Variants in STIM2 observed in about 807,000 individuals in gnomAD.
STIM2 encodes the protein stromal interaction molecule 2.
STIM2 carries 31 observed loss-of-function variants against 85.8 expected under a neutral mutation model. The ratio of observed to expected loss-of-function variants is 0.36; its 90% CI spans 0.27 to 0.49. STIM2 has a LOEUF of 0.49. STIM2 is among the 20% of genes least tolerant of loss of function. The pLI is 0.98. For missense variants in STIM2, 841 were observed against 927.6 expected (o/e 0.91, Z 1.21); for synonymous variants, 356 against 331.1 (o/e 1.08, Z -0.82).
In STIM2 at chr4:27,022,004, C is replaced by T. The variant is rs74324163; in HGVS notation, c.1764-515C>T. ...TCCACTGCCATACTCTGATGTGCCT[C>T]GATTCCCTGCCCCCCTTTTAAATTT... is the stretch of plus-strand genomic sequence containing the variant. On this transcript the variant is annotated intron_variant, in intron 11 of 11. Coordinates refer to ENST00000467087, the MANE Select transcript of STIM2 (RefSeq NM_020860.4). Among the ~76,000 whole-genome samples the T allele has an allele frequency of 4.4e-3, 664 of 152,146 alleles. 7 individuals are homozygous for T. Among genetic ancestry groups the T allele is most frequent in the African/African-American group, 0.015 (626 of 41,500 alleles).
intron 1 of STIM2, among the ~76,000 whole-genome samples, chr4:26,880,764 T>A (rs902830253): frequency 6.7e-6 from 1 of 150,218 alleles, no homozygotes; most frequent in South Asian, 2.1e-4. Flanking sequence ...AGAGGAAATA[T>A]TTAATGCATT....
chr4:26,971,301 G>T (rs28819422), intron 3 of STIM2, among the ~76,000 whole-genome samples: 2,741 of 152,174 alleles, frequency 0.018, 94 homozygotes, highest in African/African-American at 0.062. Flanking sequence ...TGGTGTTTTG[G>T]TCATGAAGTC....
At chr4:26,927,536 C>T (rs1204498375) in intron 2 of STIM2, among the ~76,000 whole-genome samples, 128 of 56,664 alleles carry the variant, frequency 2.3e-3, no homozygotes, top group African/African-American at 8.0e-3. Flanking sequence ...GTGGTGGGGT[C>T]GGGGGAGGGG....
intron 1 of STIM2, among the ~76,000 whole-genome samples, chr4:26,908,706 A>G (rs1724221654): frequency 6.6e-6 from 1 of 152,164 alleles, no homozygotes; most frequent in African/African-American, 2.4e-5. Flanking sequence ...CTGGTGTCGA[A>G]CTTCTGACCT....
At chr4:26,906,209 A>G (rs1274216479) in intron 1 of STIM2, among the ~76,000 whole-genome samples, 1 of 152,128 alleles carries the variant, frequency 6.6e-6, no homozygotes, top group East Asian at 1.9e-4. Flanking sequence ...CTCACTTATA[A>G]GCGGGAGCTA....
At chr4:26,952,376 C>T (rs1006163489) in intron 2 of STIM2, among the ~76,000 whole-genome samples, 15 of 151,998 alleles carry the variant, frequency 9.9e-5, no homozygotes, top group African/African-American at 1.7e-4. Flanking sequence ...TGTCTTCATT[C>T]GTGTCCAAGA....
At chr4:26,942,217 C>T (rs944901075) in intron 2 of STIM2, among the ~76,000 whole-genome samples, 10 of 152,098 alleles carry the variant, frequency 6.6e-5, no homozygotes, top group African/African-American at 2.4e-4. Context: ...ACTGTGGATT[C>T]ACTGTCTGTG....
chr4:26,945,601 C>T (rs1725802092), intron 2 of STIM2, among the ~76,000 whole-genome samples: 1 of 152,172 alleles, frequency 6.6e-6, no homozygotes, highest in African/African-American at 2.4e-5. Flanking sequence ...TCTACAACCT[C>T]TCCAGCATCT....
At chr4:26,932,951 GAATC>G (rs1378715753) in intron 2 of STIM2, among the ~76,000 whole-genome samples, 5 of 152,138 alleles carry the variant, frequency 3.3e-5, no homozygotes, top group African/African-American at 9.7e-5. Context: ...AAGTAATAAA[GAATC>G]AATGTGTACA....
Position 26,893,730 on chromosome 4 carries a change from G to A in STIM2, c.152-25774G>A, listed in dbSNP as rs142182661. ...ATTATTTGCCAAAGCGGATGTATCA[G>A]TTTACTTTCCCAGTGTCACGAACAT... On this transcript the variant is annotated intron_variant, in intron 1 of 11. Coordinates refer to ENST00000467087, the MANE Select transcript of STIM2 (RefSeq NM_020860.4). Among the ~76,000 whole-genome samples, 447 of 151,736 alleles carry A rather than the reference G, an allele frequency of 2.9e-3. 2 individuals carry two copies. Among genetic ancestry groups the A allele is most frequent in the African/African-American group, 0.01 (420 of 41,234 alleles).
intron 1 of STIM2, among the ~76,000 whole-genome samples, chr4:26,918,532 T>C (rs1724676827): frequency 6.6e-6 from 1 of 152,166 alleles, no homozygotes; most frequent in African/African-American, 2.4e-5. Context: ...CTTTCAACTT[T>C]AAGGCCATAC....
chr4:26,945,560 CCCA>C (rs1344342304), intron 2 of STIM2, among the ~76,000 whole-genome samples: 6 of 152,316 alleles, frequency 3.9e-5, no homozygotes, highest in African/African-American at 1.4e-4. Flanking sequence ...AATTTACACT[CCCA>C]CCAACAGTGT....
intron 3 of STIM2, among the ~76,000 whole-genome samples, chr4:26,972,331 G>T (rs184743151): frequency 1.1e-4 from 17 of 152,242 alleles, no homozygotes; most frequent in Non-Finnish European, 7.4e-5. Flanking sequence ...TTTTCAAAGG[G>T]GATGATTCCA....
intron 2 of STIM2, among the ~76,000 whole-genome samples, chr4:26,935,725 C>A (rs1225910824): frequency 6.6e-6 from 1 of 152,148 alleles, no homozygotes; most frequent in Non-Finnish European, 1.5e-5. Flanking sequence ...GCCAGAAGCT[C>A]TTTATCTTGA....
intron 2 of STIM2, 121 bp downstream of exon 2, chr4:26,919,755 T>C: frequency 8.2e-7 from 1 of 1,225,530 alleles, no homozygotes; most frequent in Non-Finnish European, 1.1e-6. Flanking sequence ...ACATCTTTAA[T>C]TTTTCTTTTT....
chr4:26,868,863 C>A (rs747389451), intron 1 of STIM2, among the ~76,000 whole-genome samples: 1 of 152,198 alleles, frequency 6.6e-6, no homozygotes, highest in South Asian at 2.1e-4. Context: ...CTTTGCCACA[C>A]ATATTCAGAC....
At chr4:26,885,781 A>C (rs1039015518) in intron 1 of STIM2, among the ~76,000 whole-genome samples, 4 of 140,378 alleles carry the variant, frequency 2.8e-5, no homozygotes, top group Non-Finnish European at 6.2e-5. Flanking sequence ...ATTCAGTGCT[A>C]GTTGTATTAT....
intron 2 of STIM2, among the ~76,000 whole-genome samples, chr4:26,936,015 A>T (rs868336782): frequency 4.6e-5 from 7 of 152,300 alleles, no homozygotes; most frequent in African/African-American, 1.7e-4. Context: ...AGTCATTGAC[A>T]TTCAGTTACT....
intron 1 of STIM2, among the ~76,000 whole-genome samples, chr4:26,892,522 T>A (rs553175665): frequency 6.6e-6 from 1 of 152,128 alleles, no homozygotes; most frequent in Admixed American, 6.6e-5. Flanking sequence ...AACATATGAA[T>A]TTTTTTGGGG....
Sources: allele counts gnomAD v4.1 joint callset (sites outside exome capture counted in the v4.1 genomes callset), GRCh38; gene constraint gnomAD v4.1.1; transcripts MANE v1.5; gene names NCBI Gene and HGNC (gene_info 2026-07-23, HGNC 2026-07-21).